The following DSCAM variants were observed in gnomAD, a reference collection of about 807,000 sequenced individuals.
DSCAM encodes the protein cell adhesion molecule DSCAM.
A neutral mutation model predicts 217.7 loss-of-function variants in DSCAM; 47 were observed. That is an observed-to-expected ratio of 0.22 (90% CI 0.17 to 0.28). The LOEUF (loss-of-function observed/expected upper bound fraction) is 0.28, where lower values mean the gene tolerates loss of function less well. DSCAM is among the 10% of genes least tolerant of loss of function. The probability of loss-of-function intolerance (pLI) is 1.00; values close to 1 mark genes in which losing one functional copy is unlikely to be tolerated. For missense variants in DSCAM, 2,080 were observed against 2,618.3 expected (o/e 0.79, Z 4.49); for synonymous variants, 1,056 against 1,015.3 (o/e 1.04, Z -0.76).
At chr21:40,220,232 T>C (rs1393011627) in intron 11 of DSCAM, among the ~76,000 whole-genome samples, 3 of 152,138 alleles carry the variant, frequency 2.0e-5, no homozygotes, top group Non-Finnish European at 4.4e-5. Context: ...GGAGAGTCAT[T>C]GTCTGTGTGT....
At chr21:40,321,669 A>AC (rs2074261143) in intron 8 of DSCAM, among the ~76,000 whole-genome samples, 1 of 150,534 alleles carries the variant, frequency 6.6e-6, no homozygotes, top group Non-Finnish European at 1.5e-5. Context: ...ACCCACCTCA[A>AC]CCAGATTAAT....
At chr21:40,550,246 C>T (rs560135131) in intron 3 of DSCAM, among the ~76,000 whole-genome samples, 19 of 152,244 alleles carry the variant, frequency 1.2e-4, no homozygotes, top group South Asian at 4.2e-4. Flanking sequence ...TTTTACTAGT[C>T]GGGCGCAGTG....
intron 3 of DSCAM, among the ~76,000 whole-genome samples, chr21:40,456,970 T>G (rs1044278797): frequency 6.6e-6 from 1 of 152,176 alleles, no homozygotes; most frequent in East Asian, 1.9e-4. Context: ...AAATCAATTG[T>G]AAATCATGGC....
chr21:40,425,236 C>G (rs1227430358), intron 3 of DSCAM, among the ~76,000 whole-genome samples: 2 of 152,104 alleles, frequency 1.3e-5, no homozygotes, highest in South Asian at 4.2e-4. Context: ...GATTAAAATT[C>G]TCTTCCCGGC....
In DSCAM at chr21:40,024,343, G is replaced by C. The variant is rs906646709; in HGVS notation, c.5687-10957C>G. On this transcript the variant is annotated intron_variant, in intron 32 of 32. Coordinates refer to ENST00000400454, the MANE Select transcript of DSCAM (RefSeq NM_001389.5). The stretch of plus-strand genomic sequence containing the variant: ...TTTTCTTTTGGCTTAGGATTGCCTT[G>C]GCAATGCGGGCTCTTTTTTGGTTCC... Among the ~76,000 whole-genome samples, 17 of 82,242 alleles carry C rather than the reference G, an allele frequency of 2.1e-4. 1 individual carries two copies. Among genetic ancestry groups the C allele is most frequent in the Non-Finnish European group, 3.5e-4 (13 of 37,122 alleles). 54.0% of individuals were successfully genotyped at this position (82,242 alleles called of 152,430 possible). A position where few individuals can be genotyped will look rare whatever the true frequency, so the allele number is the denominator to read the frequency against.
chr21:40,646,013 G>A (rs2089941586), intron 3 of DSCAM, among the ~76,000 whole-genome samples: 1 of 152,126 alleles, frequency 6.6e-6, no homozygotes, highest in African/African-American at 2.4e-5. Flanking sequence ...GTTCTTGGAG[G>A]CGGTGGAGGA....
Position 40,013,333 on chromosome 21 carries a change from C to T in DSCAM, c.5740G>A (p.Gly1914Ser), listed in dbSNP as rs1474367389. The change falls in exon 33 of 33, where the codon GGT becomes AGT. Residue 1914 changes from glycine (G) to serine (S), a missense_variant. Physicochemically the swap from Gly to Ser is moderately conservative, Grantham distance 56. Coordinates refer to ENST00000400454, the MANE Select transcript of DSCAM (RefSeq NM_001389.5). ...AGGTCCCTGCTGGTGCCTGGACCAC[C>T]TCGGTTTAACAAAAAGTCCATTCTA... ...YLRMDFLLNR[G>S]GPGTSRDLSL... The T allele has an allele frequency of 6.2e-7, 1 of 1,604,234 alleles. No individual in the cohort carries two copies. The highest frequency in any genetic ancestry group is 2.2e-5 in the East Asian group (1 of 44,664).
chr21:40,358,149 C>T (rs2074716383), intron 4 of DSCAM, among the ~76,000 whole-genome samples: 1 of 152,094 alleles, frequency 6.6e-6, no homozygotes, highest in Admixed American at 6.5e-5. Context: ...TGAAATGCAC[C>T]AACTTCTAAT....
At chr21:40,153,205 A>C (rs1001928277) in intron 16 of DSCAM, among the ~76,000 whole-genome samples, 2 of 152,202 alleles carry the variant, frequency 1.3e-5, no homozygotes, top group Non-Finnish European at 2.9e-5. Context: ...TGGGTGCATC[A>C]CATTGAACAA....
chr21:40,536,556 C>G (rs1418614613), intron 3 of DSCAM, among the ~76,000 whole-genome samples: 1 of 152,094 alleles, frequency 6.6e-6, no homozygotes, highest in African/African-American at 2.4e-5. Context: ...CGCCCACCAC[C>G]ACGCCTGGCT....
At chr21:40,614,697 A>G (rs1440100949) in intron 3 of DSCAM, among the ~76,000 whole-genome samples, 2 of 152,222 alleles carry the variant, frequency 1.3e-5, no homozygotes, top group Non-Finnish European at 2.9e-5. Context: ...TTGTATGTCC[A>G]GTAACGGAAG....
At chr21:40,308,210 G>T (rs1293831380) in intron 9 of DSCAM, among the ~76,000 whole-genome samples, 1 of 152,152 alleles carries the variant, frequency 6.6e-6, no homozygotes, top group Non-Finnish European at 1.5e-5. Flanking sequence ...TCTGGATTTT[G>T]TTGTCTTCCT....
At chr21:40,114,552 A>T (rs779276843) in intron 20 of DSCAM, among the ~76,000 whole-genome samples, 4,592 of 152,208 alleles carry the variant, frequency 0.03, 109 homozygotes, top group Middle Eastern at 0.048. Flanking sequence ...CAAAAGCCAA[A>T]ATTGACAAAT....
chr21:40,189,261 A>G lies in DSCAM; in HGVS notation c.2357-23T>C, dbSNP rs201191722. The G allele has an allele frequency of 5.0e-5, 76 of 1,529,230 alleles. No homozygotes were observed. In the East Asian group the frequency reaches 1.7e-3, roughly 33 times the overall value. 94.7% of individuals were successfully genotyped at this position (1,529,230 alleles called of 1,614,324 possible). A position where few individuals can be genotyped will look rare whatever the true frequency, so the allele number is the denominator to read the frequency against. On this transcript the variant is annotated intron_variant, in intron 11 of 32. Transcript: ENST00000400454. ...GAACTGAAAAAGCAAAAGGGACACA[A>G]CTTGTTCAGCAAAGCAGGGTTCTTG... is the stretch of plus-strand genomic sequence containing the variant.
chr21:40,470,809 C>A (rs1372770254), intron 3 of DSCAM, among the ~76,000 whole-genome samples: 1 of 152,184 alleles, frequency 6.6e-6, no homozygotes, highest in Non-Finnish European at 1.5e-5. Flanking sequence ...CTGCCTGGAT[C>A]TCCCAAAGTG....
chr21:40,101,370 A>C (rs2089748205), intron 20 of DSCAM, among the ~76,000 whole-genome samples: 1 of 152,210 alleles, frequency 6.6e-6, no homozygotes, highest in African/African-American at 2.4e-5. Context: ...CCACCAGATA[A>C]CATGGTGGCA....
intron 3 of DSCAM, among the ~76,000 whole-genome samples, chr21:40,688,120 AT>A (rs1163275351): frequency 4.3e-4 from 66 of 152,354 alleles, no homozygotes; most frequent in African/African-American, 1.5e-3. Flanking sequence ...CAGATAGGAA[AT>A]ATTACAGCAG....
chr21:40,524,938 A>T (rs1461056462), intron 3 of DSCAM, among the ~76,000 whole-genome samples: 6 of 139,108 alleles, frequency 4.3e-5, no homozygotes, highest in Admixed American at 7.9e-5. Flanking sequence ...TGAACCCGGG[A>T]GGTGGAGGTT....
At chr21:40,750,698 G>T (rs1048360150) in intron 1 of DSCAM, among the ~76,000 whole-genome samples, 25 of 151,768 alleles carry the variant, frequency 1.6e-4, no homozygotes, top group African/African-American at 5.8e-4. Flanking sequence ...TCTTTTTACT[G>T]AGCCCCTGAT....
Sources: gnomAD v4.1 joint callset for allele counts (sites outside exome capture counted in the v4.1 genomes callset) on GRCh38, gnomAD v4.1.1 for gene constraint, MANE v1.5 for transcripts, NCBI Gene and HGNC (gene_info 2026-07-23, HGNC 2026-07-21) for gene names.